Variants in NPLOC4 observed in about 807,000 individuals in gnomAD.
NPLOC4 encodes the protein NPL4 homolog, ubiquitin recognition factor.
Under a neutral mutation model 80.6 loss-of-function variants are expected in NPLOC4, and 18 were observed. That is an observed-to-expected ratio of 0.22 (90% confidence interval 0.15 to 0.33). NPLOC4 has a LOEUF of 0.33. Ranked by LOEUF, NPLOC4 falls within the 10% of genes least tolerant of loss-of-function variation. The probability of loss-of-function intolerance (pLI) is 1.00; values close to 1 mark genes in which losing one functional copy is unlikely to be tolerated. For missense variants in NPLOC4, 540 were observed against 786.1 expected (o/e 0.69, Z 3.74); for synonymous variants, 313 against 301.5 (o/e 1.04, Z -0.39).
rs142172065 is a variant in NPLOC4, at chr17:81,570,424, G to A, written c.1354-1313C>T. Among the ~76,000 whole-genome samples, 847 of 152,342 alleles carry A rather than the reference G, an allele frequency of 5.6e-3. 11 individuals are homozygous for A. The highest frequency in any genetic ancestry group is 0.019 in the African/African-American group (793 of 41,572). On this transcript the variant is annotated intron_variant, in intron 13 of 16. Transcript: ENST00000331134. ...AGACAAAAGCCTGGCCTGCTCAGGC[G>A]CGTCCCTTGGGAAGGCCTAGAAATG...
intron 16 of NPLOC4, 90 bp from the exon 17 acceptor site, chr17:81,559,506 A>G: frequency 2.1e-6 from 3 of 1,408,324 alleles, no homozygotes; most frequent in Non-Finnish European, 2.9e-6. Flanking sequence ...CAGGCAGCTG[A>G]GAGCTCCCCG....
rs1172555057 is a variant in NPLOC4 at position 81,568,269 on chromosome 17, AGGGCAGCCGT to A, written c.1449+737_1450-737del. 5.9e-4 allele frequency among the ~76,000 whole-genome samples: 90 copies of A among 152,278 alleles called. 1 individual carries two copies. The highest frequency in any genetic ancestry group is 1.1e-3 in the Non-Finnish European group (78 of 68,020). ...AGGGCAGCAAGAGGGAGGAATGTGC[AGGGCAGCCGT>A]GATGCAGCACGGACATCTTCAGCAG... On this transcript the variant is annotated intron_variant, in intron 14 of 16. Transcript: ENST00000331134.
In NPLOC4 at chr17:81,614,960, C is replaced by T. The variant is rs566398833; in HGVS notation, c.210-1466G>A. Among the ~76,000 whole-genome samples the T allele has an allele frequency of 2.6e-5, 4 of 152,260 alleles. No individual in the cohort carries two copies. The East Asian group carries it at 7.7e-4, about 29-fold the overall frequency. ...CAACACGGTGAAGGAAGAGCAGAGG[C>T]CAAAGTGCAGGCCCTCAAGGACACA... On this transcript the variant is annotated intron_variant, in intron 3 of 16. Coordinates refer to ENST00000331134, the MANE Select transcript of NPLOC4 (RefSeq NM_017921.4).
chr17:81,636,880 C>G (rs967270422), intron 1 of NPLOC4, 36 bp downstream of exon 1: 1 of 1,405,184 alleles, frequency 7.1e-7, no homozygotes, highest in Non-Finnish European at 9.3e-7. Flanking sequence ...CTGCCTCATC[C>G]CGGCGTCCCC....
intron 11 of NPLOC4, among the ~76,000 whole-genome samples, chr17:81,589,769 G>A (rs1002671284): frequency 3.3e-5 from 5 of 151,772 alleles, no homozygotes; most frequent in South Asian, 2.1e-4. Context: ...AGGGCAGGGC[G>A]GGAGGACTGC....
intron 12 of NPLOC4, among the ~76,000 whole-genome samples, chr17:81,587,212 G>A (rs889111568): frequency 1.4e-4 from 22 of 152,200 alleles, no homozygotes; most frequent in African/African-American, 5.3e-4. Flanking sequence ...AGTGGCTCAC[G>A]CCTATAACCC....
chr17:81,623,845 T>C (rs895795584), intron 2 of NPLOC4, among the ~76,000 whole-genome samples: 7 of 151,866 alleles, frequency 4.6e-5, no homozygotes, highest in Non-Finnish European at 1.0e-4. Flanking sequence ...TAACACAGAA[T>C]GGTGCGACTA....
chr17:81,608,707 A>G (rs1315508859), intron 6 of NPLOC4, 21 bp downstream of exon 6: 10 of 1,548,636 alleles, frequency 6.5e-6, no homozygotes, highest in African/African-American at 2.7e-5. Flanking sequence ...ACGCACAACC[A>G]GGTTACAGCA....
chr17:81,578,628 G>GA lies in NPLOC4; in HGVS notation c.1282-6541dup, dbSNP rs577303236. On this transcript the variant is annotated intron_variant, in intron 12 of 16. Transcript: ENST00000331134. ...AGGCACCTTCTTCACAAGGTGGCAGGAAAGAGAAGTGCCGAGCAAAGGGGG... is the reference window on the plus strand; with the variant it reads ...AGGCACCTTCTTCACAAGGTGGCAGGAAAAGAGAAGTGCCGAGCAAAGGGGG... 2.6e-4 allele frequency among the ~76,000 whole-genome samples: 39 copies of GA among 152,324 alleles called. No individual in the cohort carries two copies. In the East Asian group the frequency reaches 6.8e-3, roughly 26 times the overall value.
chr17:81,632,328 CTTTT>C (rs58346580), intron 1 of NPLOC4, among the ~76,000 whole-genome samples: 1 of 140,020 alleles, frequency 7.1e-6, no homozygotes, highest in Admixed American at 7.2e-5. Flanking sequence ...TTTTTTATTT[CTTTT>C]TTTTTTTTCA....
chr17:81,602,688 TA>T (rs1313174531), intron 8 of NPLOC4, among the ~76,000 whole-genome samples: 1 of 144,600 alleles, frequency 6.9e-6, no homozygotes. Context: ...GGTGACAGAG[TA>T]AAACTCCGTC....
intron 1 of NPLOC4, 101 bp downstream of exon 1, chr17:81,636,815 C>T (rs1323719153): frequency 4.9e-6 from 6 of 1,224,240 alleles, no homozygotes; most frequent in Non-Finnish European, 4.2e-6. Context: ...AGAAAGGGGC[C>T]GAGTCGCGGC....
At chr17:81,596,442 T>C (rs376275967) in intron 10 of NPLOC4, among the ~76,000 whole-genome samples, 200 bp from the exon 11 acceptor site, 3 of 152,132 alleles carry the variant, frequency 2.0e-5, no homozygotes, top group African/African-American at 4.8e-5. Flanking sequence ...ACCTGGTCTC[T>C]ACTAAAAATA....
chr17:81,612,267 T>C (rs74869798), intron 4 of NPLOC4, among the ~76,000 whole-genome samples: 2,757 of 152,192 alleles, frequency 0.018, 95 homozygotes, highest in African/African-American at 0.062. Flanking sequence ...AATTCTTACA[T>C]GCGTATGAGC....
chr17:81,590,959 G>A (rs1481164901), intron 11 of NPLOC4, among the ~76,000 whole-genome samples: 1 of 152,164 alleles, frequency 6.6e-6, no homozygotes, highest in Non-Finnish European at 1.5e-5. Context: ...AAATGCTCAG[G>A]AGGCAGCCAA....
chr17:81,609,930 A>G (rs1243493639), intron 5 of NPLOC4, among the ~76,000 whole-genome samples: 2 of 152,226 alleles, frequency 1.3e-5, no homozygotes, highest in African/African-American at 4.8e-5. Context: ...CAGATCGGAA[A>G]AGGATTGTCC....
At chr17:81,613,184 G>A in intron 4 of NPLOC4, 134 bp downstream of exon 4, 1 of 664,786 alleles carries the variant, frequency 1.5e-6, no homozygotes, top group Non-Finnish European at 2.2e-6. Context: ...AGTTTAATCT[G>A]AAGATAGTAA....
rs1017665958 is a variant in NPLOC4 at position 81,637,068 on chromosome 17, G to A, written c.-138C>T. ...CGCCACCGCCGCTCCAGCTTCGCCC[G>A]CCCGGCTCCGCCAGCCGCCGACGTC... On this transcript the variant is annotated 5_prime_UTR_variant, in exon 1 of 17. Coordinates refer to ENST00000331134, the MANE Select transcript of NPLOC4 (RefSeq NM_017921.4). The A allele has an allele frequency of 1.0e-4, 43 of 411,284 alleles. 1 individual carries two copies. Among genetic ancestry groups the A allele is most frequent in the South Asian group, 5.4e-4 (5 of 9,334 alleles). The allele number at this position is 411,284 out of a possible 1,614,324, so 25.5% of individuals were successfully genotyped here. A position where few individuals can be genotyped will look rare whatever the true frequency, so the allele number is the denominator to read the frequency against.
chr17:81,608,444 C>T (rs2144233595), intron 6 of NPLOC4, among the ~76,000 whole-genome samples: 1 of 152,270 alleles, frequency 6.6e-6, no homozygotes, highest in Non-Finnish European at 1.5e-5. Flanking sequence ...GGCGAGGTGG[C>T]TCACACCTGT....
Sources: allele counts gnomAD v4.1 joint callset (sites outside exome capture counted in the v4.1 genomes callset), GRCh38; gene constraint gnomAD v4.1.1; transcripts MANE v1.5; gene names NCBI Gene and HGNC (gene_info 2026-07-23, HGNC 2026-07-21).